POLR3G: variants seen among roughly 807,000 people sequenced by gnomAD.
The protein encoded by POLR3G is RNA polymerase III subunit G, also known as DNA-directed RNA polymerase III subunit RPC7.
A neutral mutation model predicts 30.1 loss-of-function variants in POLR3G; 28 were observed. The ratio of observed to expected loss-of-function variants is 0.93; its 90% CI spans 0.69 to 1.27. The LOEUF (loss-of-function observed/expected upper bound fraction) is 1.27, where lower values mean the gene tolerates loss of function less well. POLR3G is among the 50% of genes most tolerant of loss of function. The pLI is 0.00. For synonymous variants in POLR3G, 79 were observed against 82.5 expected, an observed-to-expected ratio of 0.96 and a Z score of 0.23; for missense variants, 254 against 264.6, an observed-to-expected ratio of 0.96 and a Z score of 0.28.
intron 3 of POLR3G, 79 bp downstream of exon 3, chr5:90,488,208 T>G: frequency 1.7e-6 from 2 of 1,171,080 alleles, no homozygotes; most frequent in Non-Finnish European, 2.2e-6. Flanking sequence ...ATATAATCAT[T>G]TAATGTTGAT....
rs139930249 is a variant in POLR3G, at chr5:90,494,827, A to C, written c.248-850A>C. Among the ~76,000 whole-genome samples, 44 of 152,150 alleles carry C rather than the reference A, an allele frequency of 2.9e-4. No homozygotes were observed. The East Asian group carries it at 7.5e-3, about 26-fold the overall frequency. On this transcript the variant is annotated intron_variant, in intron 3 of 7. Coordinates refer to ENST00000651687, the MANE Select transcript of POLR3G (RefSeq NM_006467.3). ...TTTGAAATTAACTTAAAAATATTTT[A>C]AAATATAAAAAGTGGTCTACTGTAC...
At chr5:90,478,569 C>CTGTTTTTTTTTTT (rs1750957077) in intron 1 of POLR3G, among the ~76,000 whole-genome samples, 1 of 79,334 alleles carries the variant, frequency 1.3e-5, no homozygotes, top group Non-Finnish European at 2.3e-5. Context: ...CTGCGTGGTT[C>CTGTTTTTTTTTTT]TTTTTTTTTT....
chr5:90,497,862 T>C, intron 5 of POLR3G, 156 bp downstream of exon 5: 2 of 896,512 alleles, frequency 2.2e-6, no homozygotes, highest in Non-Finnish European at 3.1e-6. Flanking sequence ...TCTCAGCATT[T>C]CGGGAGGCTG....
chr5:90,487,859 C>A, intron 2 of POLR3G, 141 bp from the exon 3 acceptor site: 1 of 598,338 alleles, frequency 1.7e-6, no homozygotes, highest in Non-Finnish European at 2.7e-6. Flanking sequence ...TACAGAAGTT[C>A]ATCTTTTAAG....
chr5:90,478,586 T>TTTTTTTTTTTTTTGTG (rs70999487), intron 1 of POLR3G, among the ~76,000 whole-genome samples: 1 of 146,924 alleles, frequency 6.8e-6, no homozygotes, highest in Non-Finnish European at 1.5e-5. Flanking sequence ...TTTTTTTTTT[T>TTTTTTTTTTTTTTGTG]GAGAGGGAGC....
rs1300564311 is a variant in POLR3G at position 90,506,572 on chromosome 5, T to G, written c.483T>G (p.Asn161Lys). The change falls in exon 7 of 8, where the codon AAT becomes AAG. Residue 161 changes from asparagine (N) to lysine (K), a missense_variant. Physicochemically the swap from Asn to Lys is moderately conservative, Grantham distance 94. Coordinates refer to ENST00000651687, the MANE Select transcript of POLR3G (RefSeq NM_006467.3). ...RGDGEKSDEE[N>K]EEKEGSKEKS... The stretch of plus-strand genomic sequence containing the variant: ...ATGGTGAAAAATCAGATGAGGAAAA[T>G]GAAGAGAAAGAAGGAAGCAAAGAGA... 1 of 1,612,160 alleles carries G rather than the reference T, an allele frequency of 6.2e-7. No individual in the cohort carries two copies. Among genetic ancestry groups the G allele is most frequent in the African/African-American group, 1.3e-5 (1 of 74,708 alleles).
chr5:90,514,479 T>C lies in POLR3G; in HGVS notation c.*2340T>C, dbSNP rs893645694. 1 of 152,220 alleles carries C rather than the reference T, an allele frequency of 6.6e-6. No homozygotes were observed. Among genetic ancestry groups the C allele is most frequent in the African/African-American group, 2.4e-5 (1 of 41,460 alleles). 9.4% of individuals were successfully genotyped at this position (152,220 alleles called of 1,614,324 possible). On this transcript the variant is annotated 3_prime_UTR_variant, in exon 8 of 8. Coordinates refer to ENST00000651687, the MANE Select transcript of POLR3G (RefSeq NM_006467.3). Reference sequence around the variant, plus strand: ...GTTAGAGAAAACTAATTTGTTAATATAGATCTTAACTAGTAACTATTAAGC... The same window carrying C: ...GTTAGAGAAAACTAATTTGTTAATACAGATCTTAACTAGTAACTATTAAGC...
chr5:90,480,835 A>G (rs1428579987), intron 1 of POLR3G, among the ~76,000 whole-genome samples: 1 of 152,128 alleles, frequency 6.6e-6, no homozygotes, highest in African/African-American at 2.4e-5. Flanking sequence ...TGTTTCTTAG[A>G]GTGAAAGGTG....
At chr5:90,504,338 A>C (rs1479026411) in intron 6 of POLR3G, among the ~76,000 whole-genome samples, 1 of 151,760 alleles carries the variant, frequency 6.6e-6, no homozygotes, top group African/African-American at 2.4e-5. Flanking sequence ...AGGCGGGTGG[A>C]TCATGAGGTC....
intron 7 of POLR3G, among the ~76,000 whole-genome samples, chr5:90,510,205 C>T (rs1263630761): frequency 2.0e-5 from 3 of 151,976 alleles, no homozygotes; most frequent in Admixed American, 6.6e-5. Context: ...GGTGAAACCC[C>T]GTCTCTACTA....
intron 6 of POLR3G, 105 bp from the exon 7 acceptor site, chr5:90,506,423 G>T (rs888566901): frequency 7.1e-7 from 1 of 1,407,686 alleles, no homozygotes; most frequent in African/African-American, 1.4e-5. Context: ...GTGGTGGTAA[G>T]ATGGGAGTAG....
chr5:90,512,024 T>C (rs375278501), intron 7 of POLR3G, 29 bp from the exon 8 acceptor site: 15 of 1,431,970 alleles, frequency 1.0e-5, no homozygotes, highest in Non-Finnish European at 1.5e-5. Context: ...CATTTTAACG[T>C]TTACAAAGGA....
At chr5:90,507,230 A>G (rs1580220599) in intron 7 of POLR3G, among the ~76,000 whole-genome samples, 1 of 152,324 alleles carries the variant, frequency 6.6e-6, no homozygotes, top group East Asian at 1.9e-4. Context: ...TAGTAGGGTA[A>G]CTTTGCAGAC....
At chr5:90,489,352 G>A (rs768786208) in intron 3 of POLR3G, among the ~76,000 whole-genome samples, 1 of 148,650 alleles carries the variant, frequency 6.7e-6, no homozygotes, top group Non-Finnish European at 1.5e-5. Flanking sequence ...TGCAACCTCC[G>A]CTTCCTGGGT....
chr5:90,512,183 AC>A lies in POLR3G; in HGVS notation c.*45del. 1 of 1,144,080 alleles carries A rather than the reference AC, an allele frequency of 8.7e-7. No individual in the cohort carries two copies. Among genetic ancestry groups the A allele is most frequent in the Non-Finnish European group, 1.3e-6 (1 of 755,432 alleles). The allele number at this position is 1,144,080 out of a possible 1,614,324, so 70.9% of individuals were successfully genotyped here. On this transcript the variant is annotated 3_prime_UTR_variant, in exon 8 of 8. Transcript: ENST00000651687. ...AATATTTTTATGATGCAGCTTCTGA[AC>A]ATTTGGACAGACTTGATTTGTATTT... is the stretch of plus-strand genomic sequence containing the variant.
At chr5:90,490,636 T>G (rs1481518698) in intron 3 of POLR3G, 1 of 401,318 alleles carries the variant, frequency 2.5e-6, no homozygotes. Flanking sequence ...CTCACATTCC[T>G]GGCTTCAAGT....
At chr5:90,475,486 A>ATTATTATTTATTTAT (rs1554037793) in intron 1 of POLR3G, among the ~76,000 whole-genome samples, 33 of 144,420 alleles carry the variant, frequency 2.3e-4, no homozygotes, top group African/African-American at 8.2e-4. Context: ...TAATTTTATT[A>ATTATTATTTATTTAT]TTATTTATTT....
At chr5:90,507,685 C>T (rs1240953471) in intron 7 of POLR3G, among the ~76,000 whole-genome samples, 1 of 152,100 alleles carries the variant, frequency 6.6e-6, no homozygotes, top group East Asian at 1.9e-4. Context: ...TGTCTTCCTT[C>T]CTATTCTTTT....
At chr5:90,490,607 CT>C in intron 3 of POLR3G, 1 of 348,106 alleles carries the variant, frequency 2.9e-6, no homozygotes. Context: ...GGGAGTCTTG[CT>C]TTTTTGCTCA....
Sources: gnomAD v4.1 joint callset for allele counts (sites outside exome capture counted in the v4.1 genomes callset) on GRCh38, gnomAD v4.1.1 for gene constraint, MANE v1.5 for transcripts, NCBI Gene and HGNC (gene_info 2026-07-23, HGNC 2026-07-21) for gene names.